RAD17: variants seen among roughly 807,000 people sequenced by gnomAD.
RAD17 encodes RAD17 checkpoint clamp loader component, also known as cell cycle checkpoint protein RAD17.
RAD17 carries 31 observed loss-of-function variants against 81.5 expected under a neutral mutation model. The ratio of observed to expected loss-of-function variants is 0.38; its 90% confidence interval spans 0.29 to 0.51. RAD17 has a LOEUF of 0.51. Ranked by LOEUF, RAD17 falls within the 20% of genes least tolerant of loss-of-function variation. The probability of loss-of-function intolerance (pLI) is 0.88; values close to 1 mark genes in which losing one functional copy is unlikely to be tolerated. For synonymous variants in RAD17, 261 were observed against 266.2 expected (o/e 0.98, Z 0.19); for missense variants, 681 against 781.2 (o/e 0.87, Z 1.53).
rs1763225760 is a variant in RAD17 at position 69,374,634 on chromosome 5, C to G, written c.274C>G (p.Leu92Val). Residue 92 changes from leucine to valine, a missense_variant, in exon 6 of 19, where the codon CTT becomes GTT. Leu to Val is a conservative substitution (Grantham distance 32). Coordinates refer to ENST00000354868, the MANE Select transcript of RAD17 (RefSeq NM_133338.3). ...DKYKPETQHE[L>V]AVHKKKIEEV... ...TTTGAAATTTTTGTTGTAGCATGAA[C>G]TTGCTGTGCATAAAAAGAAAATTGA... is the stretch of plus-strand genomic sequence containing the variant. 1.2e-6 allele frequency: 2 copies of G among 1,608,236 alleles called. No individual in the cohort carries two copies. Among genetic ancestry groups the G allele is most frequent in the East Asian group, 4.5e-5 (2 of 44,740 alleles).
At chr5:69,376,124 C>T (rs972792831) in intron 6 of RAD17, among the ~76,000 whole-genome samples, 1 of 152,158 alleles carries the variant, frequency 6.6e-6, no homozygotes, top group African/African-American at 2.4e-5. Flanking sequence ...CTCCTGCTGT[C>T]TTAAGTTTGG....
upstream of RAD17, chr5:69,369,701 C>T: frequency 6.4e-7 from 1 of 1,552,486 alleles, no homozygotes; most frequent in Non-Finnish European, 8.7e-7. Flanking sequence ...GGAGGGTGGG[C>T]ATAACTCGGG....
intron 16 of RAD17, 112 bp downstream of exon 16, chr5:69,396,658 A>T (rs1323628595): frequency 8.5e-7 from 1 of 1,169,618 alleles, no homozygotes; most frequent in Non-Finnish European, 1.1e-6. Flanking sequence ...AAAATATTTC[A>T]TTTTTAATAA....
rs1762825862 is a variant in RAD17, at chr5:69,369,953, G to A, written c.-417+20G>A. On this transcript the variant is annotated intron_variant, in intron 1 of 18. Transcript: ENST00000354868. ...GGGAAAGTAAGGCCGCCGCGGTTGC[G>A]GCTATATTATGTATATGTCTTAGAG... 3 of 559,714 alleles carry A rather than the reference G, an allele frequency of 5.4e-6. No homozygotes were observed. The highest frequency in any genetic ancestry group is 9.5e-6 in the Non-Finnish European group (3 of 316,324). 34.7% of individuals were successfully genotyped at this position (559,714 alleles called of 1,614,324 possible). A position where few individuals can be genotyped will look rare whatever the true frequency, so the allele number is the denominator to read the frequency against.
At chr5:69,374,539 C>T (rs1196572242) in intron 5 of RAD17, 89 bp from the exon 6 acceptor site, 8 of 765,916 alleles carry the variant, frequency 1.0e-5, no homozygotes, top group Non-Finnish European at 1.7e-5. Flanking sequence ...TACTTCTTTT[C>T]GTTAATAATG....
At chr5:69,402,669 A>T (rs1009523103) in intron 17 of RAD17, among the ~76,000 whole-genome samples, 3 of 151,378 alleles carry the variant, frequency 2.0e-5, no homozygotes, top group Admixed American at 6.6e-5. Context: ...AAAAAAAAAA[A>T]TTATTTTAAA....
intron 18 of RAD17, among the ~76,000 whole-genome samples, chr5:69,411,340 G>A (rs562898576): frequency 6.6e-6 from 1 of 152,118 alleles, no homozygotes; most frequent in African/African-American, 2.4e-5. Context: ...CAACCCAGGA[G>A]GTGGAGGTTG....
intron 7 of RAD17, 78 bp downstream of exon 7, chr5:69,382,135 G>A (rs1763898116): frequency 6.8e-7 from 1 of 1,470,820 alleles, no homozygotes; most frequent in African/African-American, 1.4e-5. Context: ...AGTTCTATGA[G>A]TGCATTTTTT....
chr5:69,369,503 G>T, upstream of RAD17: 1 of 1,611,334 alleles, frequency 6.2e-7, no homozygotes, highest in Non-Finnish European at 8.5e-7. Context: ...TCCCCGCCGC[G>T]ACGGCTTCGG....
Position 69,386,104 on chromosome 5 carries a change from C to T in RAD17, c.698+9C>T, listed in dbSNP as rs567415184. The T allele has an allele frequency of 3.1e-5, 50 of 1,604,028 alleles. No individual in the cohort carries two copies. The highest frequency in any genetic ancestry group is 4.2e-5 in the Non-Finnish European group (49 of 1,176,082). On this transcript the variant is annotated intron_variant, in intron 9 of 18. Transcript: ENST00000354868. ...TTACATGAAGTTCTAAGGTAGGTTT[C>T]AGTGAAGTATTCTAAAACTCCAAAT...
intron 15 of RAD17, 45 bp downstream of exon 15, chr5:69,393,545 T>A (rs755727087): frequency 6.6e-7 from 1 of 1,519,402 alleles, no homozygotes; most frequent in South Asian, 1.2e-5. Context: ...AGTATTTCCT[T>A]AGAATTAAGA....
upstream of RAD17, chr5:69,369,376 G>A (rs1762741206): frequency 1.3e-6 from 2 of 1,497,970 alleles, no homozygotes; most frequent in East Asian, 2.5e-5. Flanking sequence ...AGGGCAGTGA[G>A]GGGCCCCCAC....
chr5:69,371,375 A>G (rs1025512869), intron 2 of RAD17, 79 bp from the exon 3 acceptor site: 2 of 499,160 alleles, frequency 4.0e-6, no homozygotes, highest in African/African-American at 4.1e-5. Flanking sequence ...TGTTGATTAT[A>G]TCAGTATACA....
At chr5:69,405,212 A>G (rs1765514363) in intron 17 of RAD17, among the ~76,000 whole-genome samples, 1 of 152,118 alleles carries the variant, frequency 6.6e-6, no homozygotes, top group Non-Finnish European at 1.5e-5. Flanking sequence ...TCCTTAAAAA[A>G]CTGAAAATAG....
At chr5:69,413,375 G>GTTGCAGTAAACTGAGA (rs1766135155) in intron 18 of RAD17, among the ~76,000 whole-genome samples, 2 of 152,264 alleles carry the variant, frequency 1.3e-5, no homozygotes, top group South Asian at 2.1e-4. Flanking sequence ...GGAGGCAGAG[G>GTTGCAGTAAACTGAGA]TTGCAGTAAA....
rs541761160 is a variant in RAD17, at chr5:69,372,084, T to G, written c.-125T>G. On this transcript the variant is annotated 5_prime_UTR_variant, in exon 4 of 19. It removes the in-frame stop codon of an upstream open reading frame in the 5' UTR. Coordinates refer to ENST00000354868, the MANE Select transcript of RAD17 (RefSeq NM_133338.3). ...GAAATGAAACTATAAAATGTATAAA[T>G]AATTTGCAAATCAGAATTGCTGTCG... 8.4e-5 allele frequency: 118 copies of G among 1,412,564 alleles called. No individual in the cohort carries two copies. The Admixed American group carries it at 1.3e-3, about 16-fold the overall frequency. 87.5% of individuals were successfully genotyped at this position (1,412,564 alleles called of 1,614,324 possible).
At chr5:69,386,331 A>C in intron 10 of RAD17, 26 bp downstream of exon 10, 1 of 1,588,662 alleles carries the variant, frequency 6.3e-7, no homozygotes, top group South Asian at 1.2e-5. Context: ...CTGCTTATAA[A>C]GGTCACATAC....
Position 69,382,021 on chromosome 5 carries a change from T to G in RAD17, c.472T>G (p.Phe158Val). 1 of 1,612,232 alleles carries G rather than the reference T, an allele frequency of 6.2e-7. No homozygotes were observed. Among genetic ancestry groups the G allele is most frequent in the Non-Finnish European group, 8.5e-7 (1 of 1,178,726 alleles). The change falls in exon 7 of 19, where the codon TTC becomes GTC. Residue 158 changes from phenylalanine to valine, a missense_variant. Physicochemically the swap from Phe to Val is conservative, Grantham distance 50. Coordinates refer to ENST00000354868, the MANE Select transcript of RAD17 (RefSeq NM_133338.3). ...GTGGATTAATCCAGTTTTACCAGAC[T>G]TCCAAAAAGATGATTTCAAGGGGAT... Reference protein sequence around the residue: ...QEWINPVLPDFQKDDFKGMFN... With the variant: ...QEWINPVLPDVQKDDFKGMFN...
chr5:69,369,809 C>A (rs1429507341), upstream of RAD17: 2 of 1,183,758 alleles, frequency 1.7e-6, no homozygotes, highest in South Asian at 1.4e-5. Context: ...GGAAGGTCCC[C>A]GGGAGGCCGT....
Sources: allele counts gnomAD v4.1 joint callset (sites outside exome capture counted in the v4.1 genomes callset), GRCh38; gene constraint gnomAD v4.1.1; transcripts MANE v1.5; gene names NCBI Gene and HGNC (gene_info 2026-07-23, HGNC 2026-07-21).